The following GFOD1 variants were observed in gnomAD, a reference collection of about 807,000 sequenced individuals.
The protein encoded by GFOD1 is glucose-fructose oxidoreductase domain-containing protein 1.
A neutral mutation model predicts 25.4 loss-of-function variants in GFOD1; 9 were observed. The ratio of observed to expected loss-of-function variants is 0.35; its 90% confidence interval spans 0.21 to 0.62. The LOEUF (loss-of-function observed/expected upper bound fraction) is 0.62, where lower values mean the gene tolerates loss of function less well. Ranked by LOEUF, GFOD1 falls within the 20% of genes least tolerant of loss-of-function variation. The probability of loss-of-function intolerance (pLI) is 0.72; values close to 1 mark genes in which losing one functional copy is unlikely to be tolerated. For missense variants in GFOD1, 403 were observed against 556.9 expected (o/e 0.72, Z 2.78); for synonymous variants, 253 against 245.6 (o/e 1.03, Z -0.28).
At chr6:13,367,174 G>A (rs1785065492) in intron 1 of GFOD1, among the ~76,000 whole-genome samples, 1 of 152,130 alleles carries the variant, frequency 6.6e-6, no homozygotes, top group Non-Finnish European at 1.5e-5. Context: ...AAGAGTGCCT[G>A]TATTTGGACA....
At chr6:13,387,824 A>G (rs1785507213) in intron 1 of GFOD1, among the ~76,000 whole-genome samples, 1 of 152,224 alleles carries the variant, frequency 6.6e-6, no homozygotes, top group Non-Finnish European at 1.5e-5. Context: ...AGGAAGTCAA[A>G]TTGTCTCTGT....
Position 13,362,859 on chromosome 6 carries a change from C to T in GFOD1, c.*1884G>A, listed in dbSNP as rs1784968573. The T allele has an allele frequency of 6.6e-6, 1 of 152,214 alleles. No homozygotes were observed. Among genetic ancestry groups the T allele is most frequent in the Non-Finnish European group, 1.5e-5 (1 of 68,064 alleles). 9.4% of individuals were successfully genotyped at this position (152,214 alleles called of 1,614,324 possible). A position where few individuals can be genotyped will look rare whatever the true frequency, so the allele number is the denominator to read the frequency against. On this transcript the variant is annotated 3_prime_UTR_variant, in exon 2 of 2. Transcript: ENST00000379287. ...ACAATGAAGGATGCAACTGATTGGG[C>T]TGTTCATTCTCAGATTTTGCCTACA...
intron 1 of GFOD1, among the ~76,000 whole-genome samples, chr6:13,459,425 A>G (rs1400144217): frequency 1.3e-5 from 2 of 152,004 alleles, no homozygotes; most frequent in African/African-American, 2.4e-5. Context: ...TCTAAGCAAT[A>G]CCATTAAGGA....
At chr6:13,475,955 T>C (rs1758614858) in intron 1 of GFOD1, among the ~76,000 whole-genome samples, 1 of 152,064 alleles carries the variant, frequency 6.6e-6, no homozygotes, top group Admixed American at 6.6e-5. Flanking sequence ...GTGCTGGTGA[T>C]GATATCAGAA....
intron 1 of GFOD1, among the ~76,000 whole-genome samples, chr6:13,367,131 GTAT>G (rs1377637416): frequency 1.3e-5 from 2 of 152,036 alleles, no homozygotes; most frequent in Non-Finnish European, 2.9e-5. Context: ...TAGTAAAAGT[GTAT>G]TATTATTAAA....
intron 1 of GFOD1, among the ~76,000 whole-genome samples, chr6:13,467,375 A>G (rs1040538608): frequency 1.3e-5 from 2 of 152,198 alleles, no homozygotes; most frequent in African/African-American, 4.8e-5. Context: ...ACCGCTAATT[A>G]GTATGGTGTC....
chr6:13,405,102 C>T (rs1269988526), intron 1 of GFOD1, among the ~76,000 whole-genome samples: 1 of 152,148 alleles, frequency 6.6e-6, no homozygotes, highest in Non-Finnish European at 1.5e-5. Flanking sequence ...GTTGGCTATC[C>T]AACTTTCCTC....
intron 1 of GFOD1, among the ~76,000 whole-genome samples, chr6:13,393,423 T>C (rs1004548748): frequency 6.9e-6 from 1 of 145,192 alleles, no homozygotes; most frequent in African/African-American, 2.6e-5. Context: ...GACAGAAGCC[T>C]TTATAGTCAT....
chr6:13,409,904 C>CAGAGCGG (rs2127565737), intron 1 of GFOD1, among the ~76,000 whole-genome samples: 1 of 51,300 alleles, frequency 1.9e-5, no homozygotes, highest in African/African-American at 4.0e-5. Context: ...GCCTGGGCGA[C>CAGAGCGG]AGAGCGGGGC....
intron 1 of GFOD1, among the ~76,000 whole-genome samples, chr6:13,459,652 T>C (rs1758257395): frequency 6.6e-6 from 1 of 151,906 alleles, no homozygotes; most frequent in Non-Finnish European, 1.5e-5. Flanking sequence ...AACTTAAATT[T>C]ATAAGAAAAA....
chr6:13,446,442 G>A (rs2127572975), intron 1 of GFOD1, among the ~76,000 whole-genome samples: 1 of 152,292 alleles, frequency 6.6e-6, no homozygotes, highest in South Asian at 2.1e-4. Context: ...CTCTAGGTTG[G>A]AGGTTGTTAC....
intron 1 of GFOD1, among the ~76,000 whole-genome samples, chr6:13,388,928 A>G (rs1191944385): frequency 6.6e-6 from 1 of 152,224 alleles, no homozygotes; most frequent in Non-Finnish European, 1.5e-5. Flanking sequence ...AAAAAAACAA[A>G]CAACCCCATC....
intron 1 of GFOD1, among the ~76,000 whole-genome samples, chr6:13,439,197 C>T (rs1031098476): frequency 1.3e-5 from 2 of 151,960 alleles, no homozygotes; most frequent in Non-Finnish European, 2.9e-5. Context: ...ATTTTAAAAA[C>T]TTATCACAAT....
Position 13,365,527 on chromosome 6 carries a change from C to A in GFOD1, c.389G>T (p.Arg130Leu). 6.2e-7 allele frequency: 1 copy of A among 1,612,556 alleles called. No homozygotes were observed. ...GCCCTCCTCGATCAGCTGCTTCATG[C>A]GCACGAAAGCCGGCAGGAAGCGCAG... ...NVLRFLPAFV[R>L]MKQLIEEGYV... The change falls in exon 2 of 2, where the codon CGC (arginine) becomes CTC (leucine). Residue 130 changes from arginine to leucine, a missense_variant. Arg to Leu is a moderately radical substitution (Grantham distance 102). Transcript: ENST00000379287. The surrounding 1 kb of genome is among the most constrained non-coding windows in gnomAD (Gnocchi z 9.2).
intron 1 of GFOD1, among the ~76,000 whole-genome samples, chr6:13,370,687 C>G (rs569941177): frequency 1.4e-5 from 2 of 145,034 alleles, no homozygotes; most frequent in South Asian, 4.6e-4. Context: ...TAGTCAGACA[C>G]TGTGTGTGTG....
intron 1 of GFOD1, among the ~76,000 whole-genome samples, chr6:13,481,901 C>T (rs535350967): frequency 6.6e-6 from 1 of 152,294 alleles, no homozygotes; most frequent in Admixed American, 6.5e-5. Flanking sequence ...ATGACATATG[C>T]TCAAGATTAT....
intron 1 of GFOD1, among the ~76,000 whole-genome samples, chr6:13,446,626 C>T (rs1319790877): frequency 6.6e-6 from 1 of 152,202 alleles, no homozygotes; most frequent in Admixed American, 6.5e-5. Flanking sequence ...ACACCCCTGA[C>T]ACTGGCAGCG....
intron 1 of GFOD1, among the ~76,000 whole-genome samples, chr6:13,374,232 C>T (rs918471200): frequency 1.3e-5 from 2 of 149,628 alleles, no homozygotes; most frequent in Admixed American, 1.3e-4. Flanking sequence ...GATTGTCTGG[C>T]TACAAAGCCA....
At chr6:13,443,271 G>C (rs977949692) in intron 1 of GFOD1, among the ~76,000 whole-genome samples, 4 of 152,238 alleles carry the variant, frequency 2.6e-5, no homozygotes, top group Non-Finnish European at 5.9e-5. Context: ...AGCAAAGAAA[G>C]TGGTTTCTTG....
Sources: gnomAD v4.1 joint callset for allele counts (sites outside exome capture counted in the v4.1 genomes callset) on GRCh38, gnomAD v4.1.1 for gene constraint, Gnocchi (gnomAD v3.1) non-coding constraint, MANE v1.5 for transcripts, NCBI Gene and HGNC (gene_info 2026-07-23, HGNC 2026-07-21) for gene names.